LRRC4C: variants seen among roughly 807,000 people sequenced by gnomAD.
LRRC4C encodes the protein leucine-rich repeat-containing protein 4C.
In LRRC4C, 5 loss-of-function variants were observed where a neutral mutation model predicts 33.6. The ratio of observed to expected loss-of-function variants is 0.15; its 90% CI spans 0.08 to 0.31. The LOEUF (loss-of-function observed/expected upper bound fraction) is 0.31. Among genes scored for constraint, LRRC4C ranks in the 10% least tolerant of loss-of-function variants. The probability of loss-of-function intolerance (pLI) is 1.00; values close to 1 mark genes in which losing one functional copy is unlikely to be tolerated. For missense variants in LRRC4C, 560 were observed against 796.7 expected, an observed-to-expected ratio of 0.70 and a Z score of 3.58; for synonymous variants, 329 against 302.0, an observed-to-expected ratio of 1.09 and a Z score of -0.93.
chr11:41,419,379 C>G (rs957921533), intron 1 of LRRC4C, among the ~76,000 whole-genome samples: 1 of 151,862 alleles, frequency 6.6e-6, no homozygotes, highest in African/African-American at 2.4e-5. Flanking sequence ...CAGATTTTGT[C>G]TCTCAGGAAT....
intron 1 of LRRC4C, among the ~76,000 whole-genome samples, chr11:41,245,745 T>C (rs1418331092): frequency 1.3e-5 from 2 of 152,230 alleles, no homozygotes; most frequent in Admixed American, 1.3e-4. Context: ...TACTGAGTTC[T>C]TGTCCTGCAT....
At chr11:41,113,236 A>G (rs1027497426) in intron 1 of LRRC4C, among the ~76,000 whole-genome samples, 6 of 152,096 alleles carry the variant, frequency 3.9e-5, no homozygotes, top group Admixed American at 1.3e-4. Context: ...TCAGCCATAA[A>G]CATGAGCAAA....
chr11:40,368,852 C>G (rs1466199506), intron 3 of LRRC4C, among the ~76,000 whole-genome samples: 1 of 152,082 alleles, frequency 6.6e-6, no homozygotes, highest in African/African-American at 2.4e-5. Context: ...ATTGTGTCAC[C>G]TTGGGTAAGT....
chr11:41,177,057 C>T (rs1945235603), intron 1 of LRRC4C, among the ~76,000 whole-genome samples: 1 of 152,054 alleles, frequency 6.6e-6, no homozygotes, highest in Non-Finnish European at 1.5e-5. Flanking sequence ...GTCTCCACTA[C>T]CAACTGATCC....
At chr11:40,552,075 G>C (rs1957146396) in intron 3 of LRRC4C, among the ~76,000 whole-genome samples, 1 of 152,148 alleles carries the variant, frequency 6.6e-6, no homozygotes, top group African/African-American at 2.4e-5. Flanking sequence ...TGCAACATCA[G>C]CTTGTCCCTG....
chr11:41,225,241 G>A (rs930066338), intron 1 of LRRC4C, among the ~76,000 whole-genome samples: 2 of 151,946 alleles, frequency 1.3e-5, no homozygotes, highest in African/African-American at 4.8e-5. Context: ...GCACAACAGG[G>A]TGACTATAGT....
chr11:41,343,631 C>A (rs866707337), intron 1 of LRRC4C, among the ~76,000 whole-genome samples: 1 of 152,096 alleles, frequency 6.6e-6, no homozygotes, highest in Non-Finnish European at 1.5e-5. Context: ...CTGGTCCAAC[C>A]CAGTAGGAAA....
At chr11:40,541,132 C>T (rs1309804419) in intron 3 of LRRC4C, among the ~76,000 whole-genome samples, 2 of 152,100 alleles carry the variant, frequency 1.3e-5, no homozygotes, top group African/African-American at 2.4e-5. Context: ...TACAGAATGG[C>T]AGAAATTTAT....
intron 5 of LRRC4C, among the ~76,000 whole-genome samples, chr11:40,156,119 C>A (rs1001103264): frequency 6.6e-6 from 1 of 151,998 alleles, no homozygotes; most frequent in African/African-American, 2.4e-5. Flanking sequence ...CATCTCAATA[C>A]ATGCAGAAAA....
intron 1 of LRRC4C, among the ~76,000 whole-genome samples, chr11:40,955,152 T>C (rs531148150): frequency 8.9e-4 from 135 of 151,956 alleles, no homozygotes; most frequent in African/African-American, 3.1e-3. Context: ...GCTACGTCTA[T>C]ATTAAACACT....
At chr11:40,352,702 G>A (rs529848336) in intron 3 of LRRC4C, among the ~76,000 whole-genome samples, 2 of 152,148 alleles carry the variant, frequency 1.3e-5, no homozygotes, top group South Asian at 4.1e-4. Context: ...ATTTCTTATG[G>A]CTCATTAATA....
intron 1 of LRRC4C, among the ~76,000 whole-genome samples, chr11:41,450,014 C>T (rs1203096528): frequency 6.6e-6 from 1 of 152,138 alleles, no homozygotes; most frequent in East Asian, 1.9e-4. Flanking sequence ...GACAAACTGT[C>T]TCTCTCATCT....
In LRRC4C at chr11:41,075,811, G is replaced by A. The variant is rs564880977; in HGVS notation, c.-495-142088C>T. ...TAAACTCTGCCATTTCACCAACTGC[G>A]CTGTTGTCAAAGCAATTAGCTGACC... On this transcript the variant is annotated intron_variant, in intron 1 of 6. Transcript: ENST00000528697. 8.5e-5 allele frequency among the ~76,000 whole-genome samples: 13 copies of A among 152,206 alleles called. No individual in the cohort carries two copies. The South Asian group carries it at 2.3e-3, about 27-fold the overall frequency.
rs117247140 is a variant in LRRC4C at position 41,452,180 on chromosome 11, T to C, written c.-496+7251A>G. 7.9e-3 allele frequency among the ~76,000 whole-genome samples: 1,208 copies of C among 152,240 alleles called. 9 individuals carry two copies. The highest frequency in any genetic ancestry group is 0.013 in the Non-Finnish European group (892 of 68,006). On this transcript the variant is annotated intron_variant, in intron 1 of 6. Coordinates refer to ENST00000528697, the MANE Select transcript of LRRC4C (RefSeq NM_001258419.2). ...TGGTCACAGGTTTTAATTCCAATCA[T>C]ATGGTTGAAAAAATGTACACCCTGC...
intron 3 of LRRC4C, among the ~76,000 whole-genome samples, chr11:40,627,678 G>A (rs1426404523): frequency 6.6e-6 from 1 of 152,118 alleles, no homozygotes; most frequent in African/African-American, 2.4e-5. Flanking sequence ...GCCTGTGATT[G>A]CATCCCTGAG....
intron 4 of LRRC4C, among the ~76,000 whole-genome samples, chr11:40,287,256 A>ATGTGTGTGTGTGTGTGTG (rs5791367): frequency 3.5e-5 from 5 of 144,770 alleles, no homozygotes; most frequent in African/African-American, 1.3e-4. Flanking sequence ...ATGTCACTGT[A>ATGTGTGTGTGTGTGTGTG]TGTGTGTGTG....
chr11:41,054,633 C>CT (rs1182898234), intron 1 of LRRC4C, among the ~76,000 whole-genome samples: 2 of 152,134 alleles, frequency 1.3e-5, no homozygotes, highest in Non-Finnish European at 2.9e-5. Flanking sequence ...GAAGTTAGTG[C>CT]TTTTTATTGT....
chr11:40,250,234 G>C (rs567226306), intron 4 of LRRC4C, among the ~76,000 whole-genome samples: 1 of 152,212 alleles, frequency 6.6e-6, no homozygotes, highest in East Asian at 1.9e-4. Context: ...TTTTGCAAAA[G>C]AAAAAGAACA....
intron 1 of LRRC4C, among the ~76,000 whole-genome samples, chr11:41,420,938 A>G (rs1189127554): frequency 1.3e-5 from 2 of 152,016 alleles, no homozygotes; most frequent in African/African-American, 4.8e-5. Flanking sequence ...TAGTCACACT[A>G]TAAAGTATAT....
Sources: gnomAD v4.1 joint callset for allele counts (sites outside exome capture counted in the v4.1 genomes callset) on GRCh38, gnomAD v4.1.1 for gene constraint, MANE v1.5 for transcripts, NCBI Gene and HGNC (gene_info 2026-07-23, HGNC 2026-07-21) for gene names.